The following THADA variants were observed in gnomAD, a reference collection of about 807,000 sequenced individuals.
THADA encodes THADA armadillo repeat containing.
A neutral mutation model predicts 219.8 loss-of-function variants in THADA; 213 were observed. The observed-to-expected ratio is 0.97, with a 90% CI of 0.87 to 1.09. THADA has a LOEUF of 1.09. Ranked by LOEUF, THADA falls within the 50% of genes least tolerant of loss-of-function variation. The pLI is 0.00. For missense variants in THADA, 2,956 were observed against 2,311.3 expected, an observed-to-expected ratio of 1.28 and a Z score of -5.72; for synonymous variants, 1,018 against 828.9, an observed-to-expected ratio of 1.23 and a Z score of -3.92.
intron 25 of THADA, among the ~76,000 whole-genome samples, chr2:43,491,614 G>T (rs1179292024): frequency 6.6e-6 from 1 of 152,070 alleles, no homozygotes; most frequent in African/African-American, 2.4e-5. Flanking sequence ...ACTCAGCATG[G>T]TAGCATACTC....
At chr2:43,569,392 T>A (rs1699046527) in intron 14 of THADA, among the ~76,000 whole-genome samples, 1 of 152,216 alleles carries the variant, frequency 6.6e-6, no homozygotes, top group African/African-American at 2.4e-5. Flanking sequence ...TTTCATTTAA[T>A]CCTCAAATCA....
At chr2:43,451,584 A>G (rs1682343294) in intron 26 of THADA, among the ~76,000 whole-genome samples, 1 of 152,140 alleles carries the variant, frequency 6.6e-6, no homozygotes, top group Non-Finnish European at 1.5e-5. Context: ...GCATTAGTAA[A>G]TATTTGCTAT....
chr2:43,582,405 G>C (rs1453305404), intron 7 of THADA, among the ~76,000 whole-genome samples: 1 of 151,328 alleles, frequency 6.6e-6, no homozygotes, highest in Non-Finnish European at 1.5e-5. Context: ...GCTGAGGCAG[G>C]AGAATCGCTT....
intron 31 of THADA, among the ~76,000 whole-genome samples, chr2:43,309,120 C>G (rs531837918): frequency 6.6e-6 from 1 of 152,134 alleles, no homozygotes. Context: ...CCCAGTAAGA[C>G]AAACAACTCG....
At chr2:43,291,871 T>G (rs183800129) in intron 33 of THADA, 103 bp from the exon 34 acceptor site, 28 of 1,057,066 alleles carry the variant, frequency 2.6e-5, no homozygotes, top group Admixed American at 9.2e-5. Flanking sequence ...AGGTGAATAC[T>G]GAAAATCTCT....
intron 34 of THADA, among the ~76,000 whole-genome samples, chr2:43,290,831 G>A (rs1272768180): frequency 6.6e-6 from 1 of 151,848 alleles, no homozygotes; most frequent in Non-Finnish European, 1.5e-5. Context: ...TAAGTAGCAT[G>A]TATTTGTCTT....
At chr2:43,572,642 T>C (rs897736426) in intron 12 of THADA, among the ~76,000 whole-genome samples, 172 bp downstream of exon 12, 9 of 152,190 alleles carry the variant, frequency 5.9e-5, no homozygotes, top group Non-Finnish European at 1.2e-4. Flanking sequence ...AAACTTTCAG[T>C]AGCTTGAAGA....
At chr2:43,583,908 C>T (rs1259027430) in intron 7 of THADA, among the ~76,000 whole-genome samples, 8 of 151,618 alleles carry the variant, frequency 5.3e-5, no homozygotes, top group East Asian at 1.9e-4. Flanking sequence ...GGCATAGTGG[C>T]GGACGTCTGT....
At chr2:43,406,335 T>C (rs949275814) in intron 28 of THADA, among the ~76,000 whole-genome samples, 2 of 152,240 alleles carry the variant, frequency 1.3e-5, no homozygotes, top group Non-Finnish European at 2.9e-5. Flanking sequence ...AGAAATATTC[T>C]TAAATAAATG....
chr2:43,549,293 T>G lies in THADA; in HGVS notation c.3023A>C (p.Lys1008Thr). The change falls in exon 20 of 38, where the codon AAA becomes ACA. Residue 1008 changes from lysine to threonine, a missense_variant. Lys to Thr is a moderately conservative substitution (Grantham distance 78). Coordinates refer to ENST00000405975, the MANE Select transcript of THADA (RefSeq NM_022065.5). ...RDTNDYFNQA[K>T]ILKEHDSFDM... is the part of the protein sequence containing the mutation. ...AAAGCTATCATGTTCTTTCAATATT[T>G]TGGCTTGGTTAAAATAATCATTAGT... The G allele has an allele frequency of 6.3e-7, 1 of 1,599,618 alleles. No homozygotes were observed. Among genetic ancestry groups the G allele is most frequent in the South Asian group, 1.1e-5 (1 of 88,198 alleles).
intron 30 of THADA, among the ~76,000 whole-genome samples, chr2:43,332,942 A>C (rs1665958580): frequency 6.6e-6 from 1 of 152,202 alleles, no homozygotes; most frequent in South Asian, 2.1e-4. Context: ...CGGTATGAAG[A>C]AGCTTTGATC....
At chr2:43,236,385 C>G (rs1371248815) in intron 36 of THADA, among the ~76,000 whole-genome samples, 2 of 152,190 alleles carry the variant, frequency 1.3e-5, no homozygotes, top group Admixed American at 1.3e-4. Context: ...TTGCCCTGGA[C>G]TAAGACAGCT....
At chr2:43,457,220 T>C (rs1029929080) in intron 26 of THADA, among the ~76,000 whole-genome samples, 7 of 147,166 alleles carry the variant, frequency 4.8e-5, no homozygotes, top group African/African-American at 1.8e-4. Flanking sequence ...GAGATGAAAA[T>C]GGCGGTATAC....
intron 1 of THADA, among the ~76,000 whole-genome samples, chr2:43,594,940 G>A (rs1393567141): frequency 6.6e-6 from 1 of 152,116 alleles, no homozygotes; most frequent in Admixed American, 6.6e-5. Flanking sequence ...GCACTTACTA[G>A]TACCAGAAAT....
At chr2:43,445,095 C>A (rs1376160686) in intron 26 of THADA, among the ~76,000 whole-genome samples, 1 of 152,042 alleles carries the variant, frequency 6.6e-6, no homozygotes, top group East Asian at 1.9e-4. Context: ...CCTATAAAAC[C>A]ACCCCACAAG....
At chr2:43,262,190 T>C (rs1011661840) in intron 36 of THADA, among the ~76,000 whole-genome samples, 3 of 152,226 alleles carry the variant, frequency 2.0e-5, no homozygotes, top group Non-Finnish European at 4.4e-5. Context: ...TCTTTGCACA[T>C]CTTGCAGCAA....
intron 10 of THADA, among the ~76,000 whole-genome samples, chr2:43,575,598 G>A (rs1177111783): frequency 6.6e-6 from 1 of 152,134 alleles, no homozygotes; most frequent in Non-Finnish European, 1.5e-5. Flanking sequence ...GTGCAGTGGT[G>A]CGATCTCGGC....
intron 22 of THADA, among the ~76,000 whole-genome samples, chr2:43,523,668 T>C (rs1907528): frequency 1 from 152,136 of 152,298 alleles, 75,987 homozygotes; most frequent in Middle Eastern, 1. Flanking sequence ...TGTTGATGTC[T>C]ATGAGTCAGT....
At chr2:43,525,382 C>G (rs1006788582) in intron 22 of THADA, among the ~76,000 whole-genome samples, 1 of 152,180 alleles carries the variant, frequency 6.6e-6, no homozygotes, top group Non-Finnish European at 1.5e-5. Flanking sequence ...CAGGCTGGTC[C>G]TAAGATGCAC....
Sources: gnomAD v4.1 joint callset for allele counts (sites outside exome capture counted in the v4.1 genomes callset) on GRCh38, gnomAD v4.1.1 for gene constraint, MANE v1.5 for transcripts, NCBI Gene and HGNC (gene_info 2026-07-23, HGNC 2026-07-21) for gene names.